Variants in NCOA2 observed in about 807,000 individuals in gnomAD.
The protein encoded by NCOA2 is class E basic helix-loop-helix protein 75.
In NCOA2, 21 loss-of-function variants were observed where a neutral mutation model predicts 145.1. The ratio of observed to expected loss-of-function variants is 0.14; its 90% CI spans 0.10 to 0.21. The LOEUF (loss-of-function observed/expected upper bound fraction) is 0.21. Ranked by LOEUF, NCOA2 falls within the 10% of genes least tolerant of loss-of-function variation. NCOA2 has a pLI of 1.00. For synonymous variants in NCOA2, 619 were observed against 637.5 expected (o/e 0.97, Z 0.44); for missense variants, 1,472 against 1,837.6 (o/e 0.80, Z 3.64).
At chr8:70,450,854 AC>A in the NCOA2 span, among the ~76,000 whole-genome samples, 4 of 150,280 alleles carry the variant, frequency 2.7e-5, no homozygotes, top group African/African-American at 7.3e-5. Flanking sequence ...GGCATGAGCC[AC>A]CGTGCCTGGC....
chr8:70,452,458 C>G, the NCOA2 span, among the ~76,000 whole-genome samples: 1 of 152,084 alleles, frequency 6.6e-6, no homozygotes, highest in Non-Finnish European at 1.5e-5. Context: ...CATAGTGGCT[C>G]CTGTTGTGTG....
chr8:70,429,545 G>A, the NCOA2 span, among the ~76,000 whole-genome samples: 4 of 152,148 alleles, frequency 2.6e-5, no homozygotes, highest in Non-Finnish European at 4.4e-5. Flanking sequence ...TTGTACACAT[G>A]TAGGGCAATT....
chr8:70,335,122 C>CAAAAAAAA (rs59460365), intron 1 of NCOA2, among the ~76,000 whole-genome samples: 7 of 29,466 alleles, frequency 2.4e-4, no homozygotes, highest in Non-Finnish European at 3.9e-4. Flanking sequence ...GACTCCATCT[C>CAAAAAAAA]AAAAAAAAAA....
chr8:70,382,138 A>G (rs1414533023), intron 1 of NCOA2, among the ~76,000 whole-genome samples: 1 of 152,134 alleles, frequency 6.6e-6, no homozygotes, highest in East Asian at 1.9e-4. Flanking sequence ...AGAATATAAA[A>G]TAAGCTATCG....
At chr8:70,361,972 G>A (rs2131034814) in intron 1 of NCOA2, among the ~76,000 whole-genome samples, 1 of 152,314 alleles carries the variant, frequency 6.6e-6, no homozygotes, top group East Asian at 1.9e-4. Flanking sequence ...TATGGCCGCA[G>A]TATAAATGCT....
At chr8:70,398,566 G>T (rs1274901927) in intron 1 of NCOA2, among the ~76,000 whole-genome samples, 1 of 152,170 alleles carries the variant, frequency 6.6e-6, no homozygotes, top group East Asian at 1.9e-4. Context: ...CATAAATTCT[G>T]CCAGAATTAA....
At position 70,157,088 on chromosome 8, in the gene NCOA2, G is replaced by A. The variant is rs1486513021; in HGVS notation, c.1277C>T (p.Pro426Leu). 1.2e-6 allele frequency: 2 copies of A among 1,613,970 alleles called. No homozygotes were observed. Among genetic ancestry groups the A allele is most frequent in the South Asian group, 1.1e-5 (1 of 91,082 alleles). The change falls in exon 11 of 23, where the codon CCC (proline) becomes CTC (leucine). Residue 426 changes from proline to leucine, a missense_variant. By Grantham distance (98) the Pro-to-Leu change is moderately conservative. Transcript: ENST00000452400. Reference protein sequence around the residue: ...DMTLSSNINFPINGPKEQMGM... With the variant: ...DMTLSSNINFLINGPKEQMGM... ...CATTTGTTCCTTTGGGCCATTTATG[G>A]GAAAATTTATATTGCTACTGAGGGT...
intron 1 of NCOA2, among the ~76,000 whole-genome samples, chr8:70,321,699 T>C (rs1037439556): frequency 6.6e-6 from 1 of 151,468 alleles, no homozygotes; most frequent in African/African-American, 2.4e-5. Flanking sequence ...ATTTCTAATA[T>C]ATCAGAAATG....
the NCOA2 span, among the ~76,000 whole-genome samples, chr8:70,455,109 T>G: frequency 6.6e-6 from 1 of 152,230 alleles, no homozygotes; most frequent in Admixed American, 6.5e-5. Flanking sequence ...ACAGATTAAC[T>G]TCTTACTTCT....
Position 70,128,515 on chromosome 8 carries a change from A to G in NCOA2, c.3604-5T>C. 2.5e-6 allele frequency: 4 copies of G among 1,611,394 alleles called. No individual in the cohort carries two copies. Among genetic ancestry groups the G allele is most frequent in the Non-Finnish European group, 3.4e-6 (4 of 1,178,526 alleles). Reference sequence around the variant, plus strand: ...ATTCATAAGTGGCTGGCGATTCTAAATACATACAAACAGGATGAATACATT... The same window carrying G: ...ATTCATAAGTGGCTGGCGATTCTAAGTACATACAAACAGGATGAATACATT... On this transcript the variant is annotated splice_region_variant and splice_polypyrimidine_tract_variant and intron_variant, in intron 17 of 22. Coordinates refer to ENST00000452400, the MANE Select transcript of NCOA2 (RefSeq NM_006540.4).
chr8:70,163,595 T>C, intron 7 of NCOA2, 29 bp from the exon 8 acceptor site: 1 of 1,565,528 alleles, frequency 6.4e-7, no homozygotes, highest in South Asian at 1.1e-5. Context: ...ACATTTATCA[T>C]ATTGGGCTTT....
At chr8:70,401,673 G>C (rs1410538748) in intron 1 of NCOA2, 3 of 152,088 alleles carry the variant, frequency 2.0e-5, no homozygotes, top group Non-Finnish European at 4.4e-5. Flanking sequence ...CCAATAATCA[G>C]TTGACGTGAT....
chr8:70,277,965 A>G (rs1013894493), intron 2 of NCOA2, among the ~76,000 whole-genome samples: 1 of 152,204 alleles, frequency 6.6e-6, no homozygotes, highest in Admixed American at 6.5e-5. Context: ...AGTTTTTAGT[A>G]TATTCAGAGT....
At position 70,128,506 on chromosome 8, in the gene NCOA2, C is replaced by T. The variant is rs762467910; in HGVS notation, c.3608G>A (p.Arg1203His). ...GCTGATTTGATTCATAAGTGGCTGGCGATTCTAAATACATACAAACAGGAT... is the reference window on the plus strand; with the variant it reads ...GCTGATTTGATTCATAAGTGGCTGGTGATTCTAAATACATACAAACAGGAT... ...LQHRLQAQQN[R>H]QPLMNQISNV... The change falls in exon 18 of 23, where the codon CGC (arginine) becomes CAC (histidine). Residue 1203 changes from arginine (R) to histidine (H), a missense_variant. Physicochemically the swap from Arg to His is conservative, Grantham distance 29. Transcript: ENST00000452400. 4 of 1,611,772 alleles carry T rather than the reference C, an allele frequency of 2.5e-6. No individual in the cohort carries two copies. Among genetic ancestry groups the T allele is most frequent in the African/African-American group, 1.3e-5 (1 of 74,894 alleles).
intron 9 of NCOA2, among the ~76,000 whole-genome samples, chr8:70,162,498 C>T (rs1813142002): frequency 6.6e-6 from 1 of 152,212 alleles, no homozygotes; most frequent in Non-Finnish European, 1.5e-5. Context: ...TTGCCTGCCT[C>T]TGTGACACTA....
At chr8:70,322,503 C>G (rs1774255695) in intron 1 of NCOA2, among the ~76,000 whole-genome samples, 1 of 152,046 alleles carries the variant, frequency 6.6e-6, no homozygotes, top group Non-Finnish European at 1.5e-5. Flanking sequence ...CAGCTAGCAC[C>G]AAATATTTGG....
chr8:70,249,111 TAAGA>T (rs1335306646), intron 2 of NCOA2, among the ~76,000 whole-genome samples: 1 of 152,148 alleles, frequency 6.6e-6, no homozygotes, highest in Non-Finnish European at 1.5e-5. Flanking sequence ...CAACTGGCTC[TAAGA>T]AAGAAAGATA....
At chr8:70,123,035 TG>T (rs1394189457) in intron 21 of NCOA2, among the ~76,000 whole-genome samples, 1 of 152,214 alleles carries the variant, frequency 6.6e-6, no homozygotes, top group African/African-American at 2.4e-5. Context: ...GTAAATACCA[TG>T]GTACAATTAT....
chr8:70,276,281 CAAAT>C (rs1825458559), intron 2 of NCOA2, among the ~76,000 whole-genome samples: 1 of 151,968 alleles, frequency 6.6e-6, no homozygotes, highest in Non-Finnish European at 1.5e-5. Context: ...TCAGGAAAGA[CAAAT>C]AAATCCTCCA....
Sources: gnomAD v4.1 joint callset for allele counts (sites outside exome capture counted in the v4.1 genomes callset) on GRCh38, gnomAD v4.1.1 for gene constraint, MANE v1.5 for transcripts, NCBI Gene and HGNC (gene_info 2026-07-23, HGNC 2026-07-21) for gene names.